HSD17B12: variants seen among roughly 807,000 people sequenced by gnomAD.
HSD17B12 encodes the protein very-long-chain 3-oxoacyl-CoA reductase.
Under a neutral mutation model 39.3 loss-of-function variants are expected in HSD17B12, and 32 were observed. The ratio of observed to expected loss-of-function variants is 0.81; its 90% CI spans 0.61 to 1.09. The LOEUF (loss-of-function observed/expected upper bound fraction) is 1.09, where lower values mean the gene tolerates loss of function less well. Among genes scored for constraint, HSD17B12 ranks in the 50% least tolerant of loss-of-function variants. The probability of loss-of-function intolerance (pLI) is 0.00; values close to 1 mark genes in which losing one functional copy is unlikely to be tolerated. For missense variants in HSD17B12, 342 were observed against 382.9 expected (o/e 0.89, Z 0.89); for synonymous variants, 150 against 146.7 (o/e 1.02, Z -0.16).
At chr11:43,612,061 G>A in the HSD17B12 span, among the ~76,000 whole-genome samples, 1 of 152,156 alleles carries the variant, frequency 6.6e-6, no homozygotes, top group Non-Finnish European at 1.5e-5. Context: ...TCTTTCTACT[G>A]TATCAGGGTA....
At chr11:43,808,619 C>T (rs1951041170) in intron 4 of HSD17B12, among the ~76,000 whole-genome samples, 1 of 152,160 alleles carries the variant, frequency 6.6e-6, no homozygotes, top group Admixed American at 6.5e-5. Flanking sequence ...TTCCCTCTTC[C>T]AATTTTATGT....
At chr11:43,596,098 C>G in the HSD17B12 span, among the ~76,000 whole-genome samples, 1 of 152,144 alleles carries the variant, frequency 6.6e-6, no homozygotes, top group Non-Finnish European at 1.5e-5. Flanking sequence ...ACTATGCTGG[C>G]CAGGCTGGTC....
intron 1 of HSD17B12, among the ~76,000 whole-genome samples, chr11:43,711,507 C>T (rs1352719576): frequency 7.1e-6 from 1 of 140,956 alleles, no homozygotes; most frequent in Non-Finnish European, 1.5e-5. Flanking sequence ...CAGGGTCTTG[C>T]TCTGTTGCCG....
the HSD17B12 span, among the ~76,000 whole-genome samples, chr11:43,661,109 A>G: frequency 5.3e-5 from 8 of 152,180 alleles, no homozygotes; most frequent in African/African-American, 1.9e-4. Flanking sequence ...TGGGCAACAG[A>G]GCAAAACTCC....
the HSD17B12 span, among the ~76,000 whole-genome samples, chr11:43,605,764 G>A: frequency 3.3e-5 from 5 of 152,226 alleles, no homozygotes; most frequent in Middle Eastern, 0.014. Context: ...CTATATAAAC[G>A]TAAATAATTT....
At chr11:43,641,929 A>ATT in the HSD17B12 span, among the ~76,000 whole-genome samples, 2 of 151,916 alleles carry the variant, frequency 1.3e-5, no homozygotes, top group Non-Finnish European at 3.0e-5. Flanking sequence ...GAAATTATAG[A>ATT]ATCTGTTGTA....
At chr11:43,837,994 T>G (rs1035422276) in intron 7 of HSD17B12, 21 of 278,078 alleles carry the variant, frequency 7.6e-5, no homozygotes, top group African/African-American at 4.6e-4. Flanking sequence ...GATCTGTAAG[T>G]AAAAATTCTC....
chr11:43,841,889 T>C (rs543205190), intron 9 of HSD17B12, among the ~76,000 whole-genome samples: 7 of 152,310 alleles, frequency 4.6e-5, no homozygotes, highest in Admixed American at 2.6e-4. Context: ...TTTGAGTGGA[T>C]ACTTTTCAGG....
intron 4 of HSD17B12, among the ~76,000 whole-genome samples, chr11:43,811,317 G>C (rs1288804274): frequency 6.6e-6 from 1 of 152,112 alleles, no homozygotes; most frequent in Non-Finnish European, 1.5e-5. Context: ...GAGATTATGG[G>C]TATCATTCAT....
At chr11:43,578,715 G>T in the HSD17B12 span, among the ~76,000 whole-genome samples, 1 of 150,982 alleles carries the variant, frequency 6.6e-6, no homozygotes, top group Admixed American at 6.6e-5. Flanking sequence ...AGCGGTCGGG[G>T]CGGGAGTGGT....
chr11:43,569,785 G>A, the HSD17B12 span: 1 of 152,638 alleles, frequency 6.6e-6, no homozygotes, highest in African/African-American at 2.4e-5. Flanking sequence ...ATGACCAAGA[G>A]GAGACCAGAT....
At chr11:43,754,667 T>A (rs2134950218) in intron 3 of HSD17B12, among the ~76,000 whole-genome samples, 1 of 152,362 alleles carries the variant, frequency 6.6e-6, no homozygotes, top group East Asian at 1.9e-4. Context: ...ATTTTTGTCT[T>A]GTCAGTAGTC....
chr11:43,846,050 C>T (rs1164560272), intron 9 of HSD17B12, among the ~76,000 whole-genome samples: 1 of 152,206 alleles, frequency 6.6e-6, no homozygotes, highest in Non-Finnish European at 1.5e-5. Flanking sequence ...ATCGGTGTGC[C>T]TTGAGGCAGA....
chr11:43,743,703 C>T (rs1950388482), intron 1 of HSD17B12, among the ~76,000 whole-genome samples: 1 of 152,316 alleles, frequency 6.6e-6, no homozygotes, highest in Admixed American at 6.5e-5. Context: ...GAGACAGATA[C>T]TGACTTTTGT....
At position 43,757,891 on chromosome 11, in the gene HSD17B12, C is replaced by A. The variant is rs1418944024; in HGVS notation, c.283+3770C>A. On this transcript the variant is annotated intron_variant, in intron 3 of 10. Coordinates refer to ENST00000278353, the MANE Select transcript of HSD17B12 (RefSeq NM_016142.3). ...GCCTGTTGCCCATATAACAGCACTC[C>A]AGTAACAAAACTGGAGCCTTACTGA... Among the ~76,000 whole-genome samples, 4 of 152,042 alleles carry A rather than the reference C, an allele frequency of 2.6e-5. No homozygotes were observed. The East Asian group carries it at 5.8e-4, about 22-fold the overall frequency.
At chr11:43,585,197 G>T in the HSD17B12 span, among the ~76,000 whole-genome samples, 1 of 152,194 alleles carries the variant, frequency 6.6e-6, no homozygotes, top group East Asian at 1.9e-4. Context: ...GAAGGGTAAG[G>T]CATTAAACTC....
intron 4 of HSD17B12, among the ~76,000 whole-genome samples, chr11:43,800,936 T>A (rs1309264073): frequency 6.6e-6 from 1 of 151,968 alleles, no homozygotes; most frequent in African/African-American, 2.4e-5. Flanking sequence ...GTCAGGAGTT[T>A]GAGACCAGCC....
At chr11:43,598,170 C>T in the HSD17B12 span, among the ~76,000 whole-genome samples, 11 of 152,080 alleles carry the variant, frequency 7.2e-5, no homozygotes, top group Non-Finnish European at 1.6e-4. Context: ...CCTCCAGACA[C>T]CCAGAGTTAC....
intron 1 of HSD17B12, among the ~76,000 whole-genome samples, chr11:43,738,311 C>A (rs544595627): frequency 1.3e-5 from 2 of 152,100 alleles, no homozygotes; most frequent in African/African-American, 4.8e-5. Flanking sequence ...CACAGGTCAT[C>A]TCATCACCTA....
Sources: gnomAD v4.1 joint callset for allele counts (sites outside exome capture counted in the v4.1 genomes callset) on GRCh38, gnomAD v4.1.1 for gene constraint, MANE v1.5 for transcripts, NCBI Gene and HGNC (gene_info 2026-07-23, HGNC 2026-07-21) for gene names.